SLC9A9: variants seen among roughly 807,000 people sequenced by gnomAD.
SLC9A9 encodes the protein sodium/hydrogen exchanger 9.
A neutral mutation model predicts 77.8 loss-of-function variants in SLC9A9; 62 were observed. The observed-to-expected ratio is 0.80, with a 90% confidence interval of 0.65 to 0.98. SLC9A9 has a LOEUF of 0.98. Ranked by LOEUF, SLC9A9 falls within the 50% of genes least tolerant of loss-of-function variation. The pLI is 0.00. For missense variants in SLC9A9, 775 were observed against 774.9 expected (o/e 1.00, Z 0.00); for synonymous variants, 320 against 283.5 (o/e 1.13, Z -1.29).
chr3:143,466,345 A>G (rs1162653663), intron 12 of SLC9A9, among the ~76,000 whole-genome samples: 5 of 152,230 alleles, frequency 3.3e-5, no homozygotes, highest in Non-Finnish European at 1.5e-5. Flanking sequence ...AAGAACATTA[A>G]ACAAAGACAG....
intron 14 of SLC9A9, among the ~76,000 whole-genome samples, chr3:143,351,439 G>T (rs537153765): frequency 6.6e-6 from 1 of 152,360 alleles, no homozygotes; most frequent in East Asian, 1.9e-4. Flanking sequence ...GTTCCCAACA[G>T]GAACACAAAC....
chr3:143,507,696 A>G (rs972659244), intron 9 of SLC9A9, among the ~76,000 whole-genome samples: 1 of 152,214 alleles, frequency 6.6e-6, no homozygotes, highest in Non-Finnish European at 1.5e-5. Context: ...TGGGAGTATG[A>G]AGAATACATG....
intron 5 of SLC9A9, among the ~76,000 whole-genome samples, chr3:143,686,742 GAA>G (rs767250815): frequency 6.6e-6 from 1 of 152,118 alleles, no homozygotes; most frequent in Non-Finnish European, 1.5e-5. Context: ...AGACAGCAAT[GAA>G]AAAGACAAGA....
intron 9 of SLC9A9, among the ~76,000 whole-genome samples, chr3:143,529,033 A>T (rs1392233538): frequency 6.6e-6 from 1 of 152,204 alleles, no homozygotes; most frequent in East Asian, 1.9e-4. Flanking sequence ...GATGAGAGGG[A>T]CAGTGCCGGT....
At chr3:143,548,905 T>C (rs2036835358) in intron 9 of SLC9A9, among the ~76,000 whole-genome samples, 1 of 152,264 alleles carries the variant, frequency 6.6e-6, no homozygotes, top group Admixed American at 6.5e-5. Flanking sequence ...AACTATTTTG[T>C]AAATCATGTC....
chr3:143,689,229 T>C (rs1306538622), intron 5 of SLC9A9, among the ~76,000 whole-genome samples: 1 of 152,124 alleles, frequency 6.6e-6, no homozygotes, highest in Non-Finnish European at 1.5e-5. Context: ...ACATTTACCA[T>C]TATCTCTTTC....
Position 143,685,063 on chromosome 3 carries a change from T to C in SLC9A9, c.649+8129A>G, listed in dbSNP as rs529211172. Among the ~76,000 whole-genome samples, 7 of 152,226 alleles carry C rather than the reference T, an allele frequency of 4.6e-5. No individual in the cohort carries two copies. In the South Asian group the frequency reaches 1.4e-3, roughly 32 times the overall value. On this transcript the variant is annotated intron_variant, in intron 5 of 15. Coordinates refer to ENST00000316549, the MANE Select transcript of SLC9A9 (RefSeq NM_173653.4). The stretch of plus-strand genomic sequence containing the variant: ...TCATTTCCATATATCTTTATAGCAG[T>C]GCTGTCCAATAAAAATTTAACTCAA...
chr3:143,844,238 AT>A lies in SLC9A9; in HGVS notation c.175+3909del, dbSNP rs552668210. Among the ~76,000 whole-genome samples, 195 of 152,312 alleles carry A rather than the reference AT, an allele frequency of 1.3e-3. 1 individual carries two copies. The highest frequency in any genetic ancestry group is 4.5e-3 in the African/African-American group (189 of 41,564). ...TTTCTAACAAGAAATATAAAAGAAC[AT>A]TAAACATTCTGCTTGATCACTTTTC... On this transcript the variant is annotated intron_variant, in intron 1 of 15. Transcript: ENST00000316549.
At chr3:143,423,244 C>T (rs1011411329) in intron 12 of SLC9A9, among the ~76,000 whole-genome samples, 118 of 125,284 alleles carry the variant, frequency 9.4e-4, no homozygotes, top group African/African-American at 3.1e-3. Flanking sequence ...TACACACGCG[C>T]GTGTACACAC....
intron 5 of SLC9A9, among the ~76,000 whole-genome samples, chr3:143,674,435 T>C (rs1406604966): frequency 6.6e-6 from 1 of 152,216 alleles, no homozygotes; most frequent in Non-Finnish European, 1.5e-5. Flanking sequence ...GTGATCCTTT[T>C]ATGCAGGCAA....
intron 14 of SLC9A9, among the ~76,000 whole-genome samples, chr3:143,275,045 C>G (rs1303810642): frequency 4.6e-5 from 7 of 152,158 alleles, no homozygotes; most frequent in Non-Finnish European, 1.0e-4. Context: ...CTTTGATTGT[C>G]TGAAGCTTGT....
rs200274055 is a variant in SLC9A9 at position 143,796,820 on chromosome 3, A to G, written c.456+6T>C. On this transcript the variant is annotated splice_donor_region_variant and intron_variant, in intron 3 of 15. Coordinates refer to ENST00000316549, the MANE Select transcript of SLC9A9 (RefSeq NM_173653.4). Reference sequence around the variant, plus strand: ...TAAAAGAAGAAAATGATCACTATATATTTACCTTCTTTAGACTATATCCTG... The same window carrying G: ...TAAAAGAAGAAAATGATCACTATATGTTTACCTTCTTTAGACTATATCCTG... 3.9e-4 allele frequency: 622 copies of G among 1,589,386 alleles called. No homozygotes were observed. Among genetic ancestry groups the G allele is most frequent in the Non-Finnish European group, 5.1e-4 (593 of 1,159,624 alleles).
At chr3:143,540,256 G>A (rs2036665111) in intron 9 of SLC9A9, among the ~76,000 whole-genome samples, 1 of 152,166 alleles carries the variant, frequency 6.6e-6, no homozygotes, top group South Asian at 2.1e-4. Flanking sequence ...GTAGAATGCT[G>A]ATGAATCCTG....
intron 4 of SLC9A9, among the ~76,000 whole-genome samples, chr3:143,741,644 A>G (rs1471972267): frequency 1.3e-5 from 2 of 151,842 alleles, no homozygotes; most frequent in Non-Finnish European, 2.9e-5. Flanking sequence ...GAGAAACCTG[A>G]CAAACACTAC....
chr3:143,762,942 C>T (rs986538203), intron 4 of SLC9A9, among the ~76,000 whole-genome samples: 5 of 152,132 alleles, frequency 3.3e-5, no homozygotes, highest in South Asian at 2.1e-4. Flanking sequence ...AAGCAATCAG[C>T]GGAATGCCAG....
At chr3:143,827,802 T>C (rs934809909) in intron 2 of SLC9A9, among the ~76,000 whole-genome samples, 4 of 152,212 alleles carry the variant, frequency 2.6e-5, no homozygotes, top group South Asian at 2.1e-4. Flanking sequence ...ATGTAACTTT[T>C]AGAAACAAAG....
At chr3:143,355,135 AAAG>A (rs1341166999) in intron 14 of SLC9A9, among the ~76,000 whole-genome samples, 2 of 152,264 alleles carry the variant, frequency 1.3e-5, no homozygotes, top group Admixed American at 6.5e-5. Flanking sequence ...ACTCAAAATC[AAAG>A]AAGAAGAATT....
intron 14 of SLC9A9, among the ~76,000 whole-genome samples, chr3:143,330,570 C>T (rs962558991): frequency 1.3e-5 from 2 of 152,290 alleles, no homozygotes; most frequent in South Asian, 2.1e-4. Context: ...GCATGGTTGG[C>T]TGAATTTTCC....
intron 1 of SLC9A9, 134 bp from the exon 2 acceptor site, chr3:143,832,355 T>A: frequency 1.3e-6 from 1 of 746,680 alleles, no homozygotes; most frequent in Non-Finnish European, 2.2e-6. Flanking sequence ...AGAAAAGTGT[T>A]CACTTTTGCA....
Sources: gnomAD v4.1 joint callset for allele counts (sites outside exome capture counted in the v4.1 genomes callset) on GRCh38, gnomAD v4.1.1 for gene constraint, MANE v1.5 for transcripts, NCBI Gene and HGNC (gene_info 2026-07-23, HGNC 2026-07-21) for gene names.